DCC: variants seen among roughly 807,000 people sequenced by gnomAD.
The protein encoded by DCC is netrin receptor DCC.
In DCC, 58 loss-of-function variants were observed where a neutral mutation model predicts 172.5. The ratio of observed to expected loss-of-function variants is 0.34; its 90% CI spans 0.27 to 0.42. The LOEUF (loss-of-function observed/expected upper bound fraction) is 0.42. Among genes scored for constraint, DCC ranks in the 10% least tolerant of loss-of-function variants. The probability of loss-of-function intolerance (pLI) is 1.00; values close to 1 mark genes in which losing one functional copy is unlikely to be tolerated. For synonymous variants in DCC, 709 were observed against 644.5 expected (o/e 1.10, Z -1.52); for missense variants, 1,740 against 1,791.0 (o/e 0.97, Z 0.51).
chr18:52,811,809 C>T (rs76411036), intron 2 of DCC, among the ~76,000 whole-genome samples: 5,503 of 152,170 alleles, frequency 0.036, 142 homozygotes, highest in Admixed American at 0.052. Flanking sequence ...ATATAATTGA[C>T]ATCAATCACA....
intron 2 of DCC, among the ~76,000 whole-genome samples, chr18:52,861,243 C>T (rs1002712555): frequency 6.6e-6 from 1 of 152,136 alleles, no homozygotes; most frequent in African/African-American, 2.4e-5. Flanking sequence ...AGGTCAGGAA[C>T]CTTGTACGGA....
chr18:52,454,491 T>G (rs1014824799), intron 1 of DCC, among the ~76,000 whole-genome samples: 3 of 131,780 alleles, frequency 2.3e-5, no homozygotes, highest in African/African-American at 3.9e-5. Context: ...TTTGAACTAG[T>G]TTTTTTTTTG....
intron 1 of DCC, among the ~76,000 whole-genome samples, chr18:52,594,651 T>C (rs2033869960): frequency 6.6e-6 from 1 of 152,210 alleles, no homozygotes; most frequent in Non-Finnish European, 1.5e-5. Context: ...CTACAGGCTG[T>C]ACAGGAAGTA....
chr18:53,130,730 G>A (rs2043638899), intron 7 of DCC, among the ~76,000 whole-genome samples: 2 of 152,218 alleles, frequency 1.3e-5, no homozygotes, highest in South Asian at 2.1e-4. Flanking sequence ...TCCCAACCAT[G>A]TCTTACCTTA....
intron 1 of DCC, among the ~76,000 whole-genome samples, chr18:52,698,971 A>G (rs557009558): frequency 1.3e-5 from 2 of 152,256 alleles, no homozygotes; most frequent in African/African-American, 2.4e-5. Context: ...CTAACTATCT[A>G]TAGCATGGGA....
intron 5 of DCC, among the ~76,000 whole-genome samples, chr18:52,962,331 G>A (rs1394934710): frequency 6.6e-6 from 1 of 151,506 alleles, no homozygotes; most frequent in East Asian, 1.9e-4. Flanking sequence ...AGACATTTAT[G>A]CAGCCAAAAA....
intron 2 of DCC, among the ~76,000 whole-genome samples, chr18:52,786,869 A>G (rs2037670376): frequency 6.6e-6 from 1 of 152,128 alleles, no homozygotes; most frequent in Non-Finnish European, 1.5e-5. Flanking sequence ...AGGGAAGCAT[A>G]TACTTCCAGT....
intron 2 of DCC, among the ~76,000 whole-genome samples, chr18:52,858,701 G>A (rs745942023): frequency 6.6e-6 from 1 of 152,204 alleles, no homozygotes; most frequent in Non-Finnish European, 1.5e-5. Context: ...CCATGGGGGA[G>A]TTCAAACTGA....
intron 2 of DCC, among the ~76,000 whole-genome samples, chr18:52,838,501 T>C (rs13313672): frequency 0.44 from 66,643 of 151,850 alleles, 14,816 homozygotes; most frequent in South Asian, 0.55. Context: ...TGCCGGGGTG[T>C]GGTGGGGGAG....
chr18:52,518,451 G>A (rs2031707985), intron 1 of DCC, among the ~76,000 whole-genome samples: 1 of 152,190 alleles, frequency 6.6e-6, no homozygotes. Flanking sequence ...TGGGTTGAAC[G>A]GATTAGAATA....
At chr18:52,598,222 C>T (rs1419054222) in intron 1 of DCC, among the ~76,000 whole-genome samples, 1 of 151,994 alleles carries the variant, frequency 6.6e-6, no homozygotes, top group East Asian at 1.9e-4. Flanking sequence ...AACAATTTAC[C>T]ATTTGCAAAG....
In DCC at chr18:52,822,490, C is replaced by CT. The variant is rs2038424347; in HGVS notation, c.412+70117dup. Among the ~76,000 whole-genome samples the CT allele has an allele frequency of 2.6e-5, 4 of 152,146 alleles. No individual in the cohort carries two copies. The South Asian group carries it at 8.3e-4, about 32-fold the overall frequency. On this transcript the variant is annotated intron_variant, in intron 2 of 28. Coordinates refer to ENST00000442544, the MANE Select transcript of DCC (RefSeq NM_005215.4). Reference sequence around the variant, plus strand: ...TTTTTCTTATTTGTAATTCTCCCTTCTAAAATGTAAGGAAACTAACATACC... The same window carrying CT: ...TTTTTCTTATTTGTAATTCTCCCTTCTTAAAATGTAAGGAAACTAACATACC...
chr18:52,705,206 G>A (rs977591583), intron 1 of DCC, among the ~76,000 whole-genome samples: 2 of 152,140 alleles, frequency 1.3e-5, no homozygotes, highest in African/African-American at 4.8e-5. Context: ...GCGAACAATT[G>A]TTGTCGATTG....
intron 12 of DCC, among the ~76,000 whole-genome samples, chr18:53,217,272 C>T (rs1598915704): frequency 8.8e-6 from 1 of 113,092 alleles, no homozygotes. Context: ...TACACACACA[C>T]ACACACACAC....
intron 2 of DCC, among the ~76,000 whole-genome samples, chr18:52,774,502 C>T (rs1403795812): frequency 6.6e-6 from 1 of 152,236 alleles, no homozygotes; most frequent in East Asian, 1.9e-4. Context: ...GTAGCCATTA[C>T]TCCCAAGGTA....
chr18:52,630,577 C>G (rs781594926), intron 1 of DCC, among the ~76,000 whole-genome samples: 1 of 152,048 alleles, frequency 6.6e-6, no homozygotes, highest in African/African-American at 2.4e-5. Flanking sequence ...AAATGAAGTC[C>G]CATGCAAAGC....
intron 2 of DCC, among the ~76,000 whole-genome samples, chr18:52,901,893 T>C (rs1455580890): frequency 6.6e-6 from 1 of 152,156 alleles, no homozygotes; most frequent in African/African-American, 2.4e-5. Flanking sequence ...TTTTCAAGCT[T>C]TTATTTATAC....
chr18:52,770,944 T>C (rs1337721314), intron 2 of DCC, among the ~76,000 whole-genome samples: 6 of 152,222 alleles, frequency 3.9e-5, no homozygotes, highest in Non-Finnish European at 7.3e-5. Flanking sequence ...CTATACATGG[T>C]TCCTCACATG....
At chr18:53,453,025 C>T (rs531276767) in intron 23 of DCC, among the ~76,000 whole-genome samples, 1 of 152,184 alleles carries the variant, frequency 6.6e-6, no homozygotes, top group African/African-American at 2.4e-5. Context: ...ATGCCATTCT[C>T]CTGCCTCAGC....
Sources: allele counts gnomAD v4.1 joint callset (sites outside exome capture counted in the v4.1 genomes callset), GRCh38; gene constraint gnomAD v4.1.1; transcripts MANE v1.5; gene names NCBI Gene and HGNC (gene_info 2026-07-23, HGNC 2026-07-21).